The following ZNF226 variants were observed in gnomAD, a reference collection of about 807,000 sequenced individuals.
The protein encoded by ZNF226 is Kruppel-associated box protein.
ZNF226 carries 6 observed loss-of-function variants against 11.4 expected under a neutral mutation model. The ratio of observed to expected loss-of-function variants is 0.53; its 90% CI spans 0.29 to 1.04. ZNF226 has a LOEUF of 1.04. ZNF226 is among the 50% of genes least tolerant of loss of function. The pLI is 0.08. For synonymous variants in ZNF226, 350 were observed against 322.8 expected (o/e 1.08, Z -0.90); for missense variants, 1,058 against 956.5 (o/e 1.11, Z -1.40).
intron 3 of ZNF226, among the ~76,000 whole-genome samples, chr19:44,170,489 C>T (rs923874831): frequency 1.2e-4 from 18 of 152,142 alleles, no homozygotes; most frequent in African/African-American, 4.3e-4. Flanking sequence ...GTAATCCCAG[C>T]ACTTTGGGAG....
At chr19:44,172,674 A>C in intron 4 of ZNF226, 186 bp from the exon 5 acceptor site, 1 of 565,958 alleles carries the variant, frequency 1.8e-6, no homozygotes, top group Non-Finnish European at 3.1e-6. Flanking sequence ...GGTTTTCATA[A>C]TATGTATTTA....
chr19:44,181,933 A>G (rs1326374423), downstream of ZNF226, among the ~76,000 whole-genome samples: 1 of 152,238 alleles, frequency 6.6e-6, no homozygotes, highest in Non-Finnish European at 1.5e-5. Flanking sequence ...GAGGAGATAC[A>G]TCGCCAAAGT....
At chr19:44,173,597 T>TA in intron 5 of ZNF226, 1 of 152,450 alleles carries the variant, frequency 6.6e-6, no homozygotes, top group Non-Finnish European at 1.5e-5. Context: ...CTGTCTCTAC[T>TA]AAAAATACAA....
chr19:44,176,873 G>A lies in ZNF226; in HGVS notation c.1611G>A (p.Gly537=). ...AACCCTATAAATGTGAGATATGTGG[G>A]AAGGGCTTCAGTCAAAGTTCGTATC... ...GEKPYKCEIC[G]KGFSQSSYLQ... The change falls in exon 6 of 6, where the codon GGG becomes GGA. Residue 537 remains glycine (G), a synonymous_variant. Transcript: ENST00000337433. The A allele has an allele frequency of 6.2e-7, 1 of 1,613,786 alleles. No individual in the cohort carries two copies. Among genetic ancestry groups the A allele is most frequent in the Non-Finnish European group, 8.5e-7 (1 of 1,179,954 alleles).
intron 2 of ZNF226, among the ~76,000 whole-genome samples, chr19:44,166,544 TTTTA>T (rs1408987646): frequency 6.6e-6 from 1 of 152,220 alleles, no homozygotes; most frequent in East Asian, 1.9e-4. Context: ...CAATTATTAG[TTTTA>T]TTTGTTTCAA....
the ZNF226 span, among the ~76,000 whole-genome samples, chr19:44,190,196 T>C: frequency 3.3e-5 from 5 of 152,186 alleles, no homozygotes; most frequent in African/African-American, 1.2e-4. Flanking sequence ...TAAATAAGTT[T>C]AGTTTTATTA....
chr19:44,176,261 A>G lies in ZNF226; in HGVS notation c.999A>G (p.Lys333=), dbSNP rs1970668823. 3 of 1,614,140 alleles carry G rather than the reference A, an allele frequency of 1.9e-6. No individual in the cohort carries two copies. Among genetic ancestry groups the G allele is most frequent in the Non-Finnish European group, 2.5e-6 (3 of 1,180,016 alleles). ...QTHQKVHVIE[K]PYKCKQCGKG... is the part of the protein sequence containing the mutation. ...ATCAGAAAGTCCACGTGATAGAGAA[A>G]CCATACAAATGTAAGCAATGTGGGA... The change falls in exon 6 of 6, where the codon AAA becomes AAG. Residue 333 remains lysine, a synonymous_variant. Coordinates refer to ENST00000337433, the MANE Select transcript of ZNF226 (RefSeq NM_001032373.2).
downstream of ZNF226, among the ~76,000 whole-genome samples, chr19:44,181,652 T>G (rs532297557): frequency 2.0e-5 from 3 of 152,316 alleles, no homozygotes; most frequent in East Asian, 5.8e-4. Context: ...CTGAAAAATT[T>G]GGGAACAGAT....
the ZNF226 span, among the ~76,000 whole-genome samples, chr19:44,187,882 C>T: frequency 2.6e-5 from 4 of 151,640 alleles, no homozygotes; most frequent in East Asian, 1.9e-4. This position sits in a 1 kb window ranked among gnomAD's most constrained non-coding sequence, Gnocchi z 4.0. Flanking sequence ...ATTTTTTGGC[C>T]CATTGGTTGT....
the ZNF226 span, among the ~76,000 whole-genome samples, chr19:44,190,459 G>A: frequency 6.6e-6 from 1 of 151,764 alleles, no homozygotes; most frequent in African/African-American, 2.4e-5. Context: ...TCAGCCTCCC[G>A]AGTAGCTGGG....
In ZNF226 at chr19:44,176,529, G is replaced by A. The variant is rs755235933; in HGVS notation, c.1267G>A (p.Glu423Lys). 1.9e-6 allele frequency: 3 copies of A among 1,614,002 alleles called. No homozygotes were observed. The highest frequency in any genetic ancestry group is 2.7e-5 in the African/African-American group (2 of 74,918). Residue 423 changes from glutamate (E) to lysine (K), a missense_variant, in exon 6 of 6, where the codon GAG becomes AAG. Transcript: ENST00000337433. ...HTGEKPYKCE[E>K]CGKGFICSSN... ...AGGAGAGAAACCATACAAATGTGAGGAGTGTGGTAAGGGCTTCATTTGTAG... is the reference window on the plus strand; with the variant it reads ...AGGAGAGAAACCATACAAATGTGAGAAGTGTGGTAAGGGCTTCATTTGTAG...
At chr19:44,178,847 G>T (rs759690170), downstream of ZNF226, among the ~76,000 whole-genome samples, 2 of 152,052 alleles carry the variant, frequency 1.3e-5, no homozygotes, top group Admixed American at 6.6e-5. Context: ...TGAAAATGAT[G>T]ACCAAATTTT....
chr19:44,185,721 T>C, the ZNF226 span, among the ~76,000 whole-genome samples: 16 of 152,170 alleles, frequency 1.1e-4, no homozygotes, highest in Admixed American at 2.0e-4. Flanking sequence ...CTTTTCACTC[T>C]GTTGATTGTT....
the ZNF226 span, among the ~76,000 whole-genome samples, chr19:44,190,200 TTTA>T: frequency 6.6e-6 from 1 of 152,168 alleles, no homozygotes; most frequent in Non-Finnish European, 1.5e-5. Context: ...TAAGTTTAGT[TTTA>T]TTATTATTTT....
chr19:44,175,170 C>A, intron 5 of ZNF226: 1 of 1,466,252 alleles, frequency 6.8e-7, no homozygotes, highest in Non-Finnish European at 8.9e-7. Flanking sequence ...TGGTTGTAAA[C>A]TGTGAGCACT....
intron 3 of ZNF226, 67 bp from the exon 4 acceptor site, chr19:44,172,020 GT>G (rs1303568807): frequency 6.3e-7 from 1 of 1,580,808 alleles, no homozygotes; most frequent in African/African-American, 1.4e-5. Context: ...CTTTCCACCT[GT>G]TCTCAGTGTT....
rs538984787 is a variant in ZNF226 at position 44,167,601 on chromosome 19, T to C, written c.-47+1794T>C. Among the ~76,000 whole-genome samples the C allele has an allele frequency of 3.9e-5, 6 of 152,326 alleles. No homozygotes were observed. In the South Asian group the frequency reaches 1.2e-3, roughly 32 times the overall value. Reference sequence around the variant, plus strand: ...TCCCAAAGTGTTGGGATTATGGGCATGAGCCACCGTGCCCAGCCAACTTTT... The same window carrying C: ...TCCCAAAGTGTTGGGATTATGGGCACGAGCCACCGTGCCCAGCCAACTTTT... On this transcript the variant is annotated intron_variant, in intron 2 of 5. Coordinates refer to ENST00000337433, the MANE Select transcript of ZNF226 (RefSeq NM_001032373.2).
In ZNF226 at chr19:44,172,703, A is replaced by T. The variant is rs990948866; in HGVS notation, c.143-157A>T. 1.7e-5 allele frequency: 11 copies of T among 630,704 alleles called. No individual in the cohort carries two copies. The African/African-American group carries it at 1.8e-4, about 11-fold the overall frequency. The allele number at this position is 630,704 out of a possible 1,614,324, so 39.1% of individuals were successfully genotyped here. A position where few individuals can be genotyped will look rare whatever the true frequency, so the allele number is the denominator to read the frequency against. On this transcript the variant is annotated intron_variant, in intron 4 of 5. Transcript: ENST00000337433. ...GTATTTACGCATGTGTGTCTGGGTCATGAAATAAATGGTGTTTCTTTACTG... is the reference window on the plus strand; with the variant it reads ...GTATTTACGCATGTGTGTCTGGGTCTTGAAATAAATGGTGTTTCTTTACTG...
At chr19:44,181,661 A>C (rs923606600), downstream of ZNF226, among the ~76,000 whole-genome samples, 3 of 152,192 alleles carry the variant, frequency 2.0e-5, no homozygotes, top group Non-Finnish European at 4.4e-5. Context: ...TTGGGAACAG[A>C]TGAGCAGATT....
Sources: allele counts gnomAD v4.1 joint callset (sites outside exome capture counted in the v4.1 genomes callset), GRCh38; gene constraint gnomAD v4.1.1; non-coding constraint Gnocchi (gnomAD v3.1); transcripts MANE v1.5; gene names NCBI Gene and HGNC (gene_info 2026-07-23, HGNC 2026-07-21).